Variants in PBX1 observed in about 807,000 individuals in gnomAD.
PBX1 encodes pre-B-cell leukemia transcription factor 1.
Under a neutral mutation model 53.4 loss-of-function variants are expected in PBX1, and 6 were observed. That is an observed-to-expected ratio of 0.11 (90% CI 0.06 to 0.22). The LOEUF (loss-of-function observed/expected upper bound fraction) is 0.22. PBX1 is among the 10% of genes least tolerant of loss of function. The pLI is 1.00. For missense variants in PBX1, 251 were observed against 551.4 expected (o/e 0.46, Z 5.46); for synonymous variants, 204 against 212.3 (o/e 0.96, Z 0.34).
intron 8 of PBX1, among the ~76,000 whole-genome samples, chr1:164,825,486 A>T (rs371326410): frequency 2.6e-5 from 4 of 152,362 alleles, no homozygotes; most frequent in African/African-American, 7.2e-5. Context: ...TTAAAAATTC[A>T]TTTTAATGAC....
At chr1:164,580,013 TC>T (rs1454411806) in intron 2 of PBX1, among the ~76,000 whole-genome samples, 1 of 151,980 alleles carries the variant, frequency 6.6e-6, no homozygotes, top group Non-Finnish European at 1.5e-5. Flanking sequence ...TGTAGATTTT[TC>T]TATGAAAATA....
At chr1:164,576,204 G>A (rs538228583) in intron 2 of PBX1, among the ~76,000 whole-genome samples, 2 of 152,356 alleles carry the variant, frequency 1.3e-5, no homozygotes, top group South Asian at 4.1e-4. Context: ...TTTTCAGAAA[G>A]GATAATGATG....
At chr1:164,602,939 T>C (rs974719273) in intron 2 of PBX1, among the ~76,000 whole-genome samples, 1 of 152,212 alleles carries the variant, frequency 6.6e-6, no homozygotes, top group Non-Finnish European at 1.5e-5. Flanking sequence ...CTGGCAGGTT[T>C]GCTGTCCAAG....
At chr1:164,660,661 TCTTG>T (rs1027636643) in intron 2 of PBX1, among the ~76,000 whole-genome samples, 1 of 152,224 alleles carries the variant, frequency 6.6e-6, no homozygotes, top group African/African-American at 2.4e-5. Context: ...TGCTTGCTTT[TCTTG>T]GTTGACAGAA....
At position 164,573,636 on chromosome 1, in the gene PBX1, C is replaced by G. The variant is rs953064974; in HGVS notation, c.265+10325C>G. ...CCTCCCAAGTAGCTGGGATTACAGG[C>G]GCCTGCCACTACACACCCTGCTAAT... is the stretch of plus-strand genomic sequence containing the variant. On this transcript the variant is annotated intron_variant, in intron 2 of 8. Coordinates refer to ENST00000420696, the MANE Select transcript of PBX1 (RefSeq NM_002585.4). Among the ~76,000 whole-genome samples the G allele has an allele frequency of 5.9e-5, 9 of 151,998 alleles. No homozygotes were observed. The South Asian group carries it at 1.9e-3, about 32-fold the overall frequency.
At chr1:164,717,683 A>C (rs1182792685) in intron 2 of PBX1, among the ~76,000 whole-genome samples, 2 of 152,140 alleles carry the variant, frequency 1.3e-5, no homozygotes, top group Non-Finnish European at 1.5e-5. Context: ...AAATGAAACA[A>C]AGCATTTATT....
chr1:164,861,702 A>G (rs1672102411), intron 2 of PBX1, among the ~76,000 whole-genome samples: 1 of 152,018 alleles, frequency 6.6e-6, no homozygotes, highest in Admixed American at 6.6e-5. Flanking sequence ...GAAGTTCTGG[A>G]GTAAATCAAG....
At chr1:164,785,071 A>G (rs997116799) in intron 2 of PBX1, among the ~76,000 whole-genome samples, 13 of 152,098 alleles carry the variant, frequency 8.5e-5, no homozygotes, top group Non-Finnish European at 1.6e-4. Flanking sequence ...TTCTTAAACT[A>G]CAGCTTCTCA....
At chr1:164,632,449 G>A (rs1191197930) in intron 2 of PBX1, among the ~76,000 whole-genome samples, 1 of 152,172 alleles carries the variant, frequency 6.6e-6, no homozygotes, top group African/African-American at 2.4e-5. Flanking sequence ...TGGCACACCT[G>A]TCCTTAGGTT....
intron 2 of PBX1, among the ~76,000 whole-genome samples, chr1:164,690,133 G>A (rs1662376229): frequency 1.3e-5 from 2 of 152,084 alleles, no homozygotes; most frequent in Admixed American, 6.6e-5. Flanking sequence ...CATCCTGACC[G>A]GCTCCTCCTC....
rs531616045 is a variant in PBX1 at position 164,690,260 on chromosome 1, A to G, written c.266-102234A>G. 3.3e-5 allele frequency among the ~76,000 whole-genome samples: 5 copies of G among 150,504 alleles called. No homozygotes were observed. The East Asian group carries it at 7.7e-4, about 23-fold the overall frequency. The stretch of plus-strand genomic sequence containing the variant: ...GGGAGGGGCCTGTGGATCTCTGGGA[A>G]AGAAAGCGGATCAGACAGACAGACT... On this transcript the variant is annotated intron_variant, in intron 2 of 8. Transcript: ENST00000420696.
At chr1:164,711,267 CTCTTTTCTT>C (rs1663751011) in intron 2 of PBX1, among the ~76,000 whole-genome samples, 1 of 152,106 alleles carries the variant, frequency 6.6e-6, no homozygotes, top group South Asian at 2.1e-4. Context: ...CATCAGTCTT[CTCTTTTCTT>C]TTTTTGAAAC....
intron 8 of PBX1, among the ~76,000 whole-genome samples, chr1:164,822,650 T>C (rs1231724278): frequency 6.6e-6 from 1 of 152,232 alleles, no homozygotes; most frequent in Non-Finnish European, 1.5e-5. Flanking sequence ...ATATCAGTTA[T>C]TTCTCAGATC....
At chr1:164,781,128 G>A (rs763153057) in intron 2 of PBX1, among the ~76,000 whole-genome samples, 4 of 152,144 alleles carry the variant, frequency 2.6e-5, no homozygotes, top group Non-Finnish European at 5.9e-5. Flanking sequence ...CTCCCTGAAG[G>A]ACCCTGACTG....
intron 2 of PBX1, chr1:164,652,098 A>G (rs999351304): frequency 6.6e-6 from 1 of 151,606 alleles, no homozygotes; most frequent in African/African-American, 2.4e-5. Context: ...AGTCTCTGTC[A>G]CCAGGCTGGA....
intron 2 of PBX1, among the ~76,000 whole-genome samples, chr1:164,744,690 A>C (rs942785481): frequency 6.6e-6 from 1 of 152,210 alleles, no homozygotes; most frequent in African/African-American, 2.4e-5. Context: ...CTGTCTACTC[A>C]GGGACATAAG....
chr1:164,748,397 T>TGGAAAGA (rs1666016299), intron 2 of PBX1, among the ~76,000 whole-genome samples: 1 of 152,152 alleles, frequency 6.6e-6, no homozygotes, highest in Non-Finnish European at 1.5e-5. Context: ...CCGGCCTCTT[T>TGGAAAGA]GGAAAGAGGT....
chr1:164,849,506 C>G lies in PBX1; in HGVS notation c.*2830C>G. ...CAGCTTCCTGGGAATTCACATGAGG[C>G]CAGTCCTACAGAGAGCAAGATGCAC... is the stretch of plus-strand genomic sequence containing the variant. On this transcript the variant is annotated 3_prime_UTR_variant, in exon 9 of 9. Coordinates refer to ENST00000420696, the MANE Select transcript of PBX1 (RefSeq NM_002585.4). The G allele has an allele frequency of 6.7e-7, 1 of 1,499,068 alleles. No homozygotes were observed. The highest frequency in any genetic ancestry group is 1.4e-5 in the African/African-American group (1 of 72,442). 92.9% of individuals were successfully genotyped at this position (1,499,068 alleles called of 1,614,324 possible). A position where few individuals can be genotyped will look rare whatever the true frequency, so the allele number is the denominator to read the frequency against.
At chr1:164,655,876 G>A (rs2101934721) in intron 2 of PBX1, among the ~76,000 whole-genome samples, 1 of 152,278 alleles carries the variant, frequency 6.6e-6, no homozygotes, top group African/African-American at 2.4e-5. Context: ...ACCTGATGAA[G>A]ATTTTGTATG....
Sources: allele counts gnomAD v4.1 joint callset (sites outside exome capture counted in the v4.1 genomes callset), GRCh38; gene constraint gnomAD v4.1.1; transcripts MANE v1.5; gene names NCBI Gene and HGNC (gene_info 2026-07-23, HGNC 2026-07-21).